The following MEGF10 variants were observed in gnomAD, a reference collection of about 807,000 sequenced individuals.
The protein encoded by MEGF10 is multiple EGF like domains 10, also known as multiple epidermal growth factor-like domains protein 10.
Under a neutral mutation model 147.5 loss-of-function variants are expected in MEGF10, and 86 were observed. The ratio of observed to expected loss-of-function variants is 0.58; its 90% CI spans 0.49 to 0.70. The LOEUF is 0.70. Ranked by LOEUF, MEGF10 falls within the 30% of genes least tolerant of loss-of-function variation. MEGF10 has a pLI of 0.00. For missense variants in MEGF10, 1,329 were observed against 1,487.3 expected (o/e 0.89, Z 1.75); for synonymous variants, 478 against 525.5 (o/e 0.91, Z 1.24).
At chr5:127,354,662 C>A (rs1234117406) in intron 4 of MEGF10, among the ~76,000 whole-genome samples, 3 of 152,200 alleles carry the variant, frequency 2.0e-5, no homozygotes, top group Non-Finnish European at 1.5e-5. Flanking sequence ...GCAACCGAGG[C>A]TCCTGAATCA....
chr5:127,269,129 AG>A, the MEGF10 span, among the ~76,000 whole-genome samples: 1 of 152,224 alleles, frequency 6.6e-6, no homozygotes, highest in Non-Finnish European at 1.5e-5. Flanking sequence ...AAAACCACAA[AG>A]ATGGGGAAAA....
At chr5:127,239,236 C>G in the MEGF10 span, among the ~76,000 whole-genome samples, 2 of 151,594 alleles carry the variant, frequency 1.3e-5, no homozygotes, top group Non-Finnish European at 2.9e-5. Flanking sequence ...GGGGAAAAAA[C>G]AGCTATACAG....
At chr5:127,445,214 G>T in intron 19 of MEGF10, 1 of 500,280 alleles carries the variant, frequency 2.0e-6, no homozygotes, top group Non-Finnish European at 3.6e-6. Flanking sequence ...CTCCGGGCAC[G>T]CATCACTGTG....
At chr5:127,233,658 C>T in the MEGF10 span, among the ~76,000 whole-genome samples, 5 of 151,914 alleles carry the variant, frequency 3.3e-5, no homozygotes, top group Non-Finnish European at 4.4e-5. Context: ...CTTTTTTTCC[C>T]ATTAGATTAA....
At chr5:127,254,526 T>C in the MEGF10 span, among the ~76,000 whole-genome samples, 1 of 151,996 alleles carries the variant, frequency 6.6e-6, no homozygotes, top group Non-Finnish European at 1.5e-5. Context: ...AAAAGTTGCA[T>C]TGTGGCTGGG....
chr5:127,314,983 T>C (rs1323135050), intron 1 of MEGF10, among the ~76,000 whole-genome samples: 4 of 152,042 alleles, frequency 2.6e-5, no homozygotes, highest in Admixed American at 2.0e-4. Context: ...TGCAGTAAAA[T>C]GAAGATACTG....
At chr5:127,384,441 T>C (rs1045580736) in intron 5 of MEGF10, among the ~76,000 whole-genome samples, 6 of 152,212 alleles carry the variant, frequency 3.9e-5, no homozygotes, top group African/African-American at 7.2e-5. Context: ...CCTCCCAAAT[T>C]ATGTAACTTT....
At chr5:127,275,547 G>C in the MEGF10 span, among the ~76,000 whole-genome samples, 1 of 152,148 alleles carries the variant, frequency 6.6e-6, no homozygotes, top group Non-Finnish European at 1.5e-5. Context: ...AGAGAAAGAA[G>C]AGAAATAATT....
chr5:127,390,094 C>T (rs1162912965), intron 5 of MEGF10, among the ~76,000 whole-genome samples: 2 of 152,138 alleles, frequency 1.3e-5, no homozygotes, highest in Non-Finnish European at 2.9e-5. Flanking sequence ...AAAGAATAAT[C>T]ATGCATAATC....
intron 9 of MEGF10, among the ~76,000 whole-genome samples, chr5:127,415,896 C>CAAAAAAA (rs1156648076): frequency 7.2e-5 from 4 of 55,594 alleles, no homozygotes; most frequent in African/African-American, 1.7e-4. Context: ...GACTCCATCT[C>CAAAAAAA]AAAAAAAAAA....
chr5:127,442,467 A>T (rs1765789420), intron 18 of MEGF10, among the ~76,000 whole-genome samples: 1 of 152,226 alleles, frequency 6.6e-6, no homozygotes, highest in South Asian at 2.1e-4. Flanking sequence ...ATCACTCCAT[A>T]GCAAATGAAG....
At chr5:127,329,371 C>G (rs1364777414) in intron 1 of MEGF10, among the ~76,000 whole-genome samples, 1 of 151,976 alleles carries the variant, frequency 6.6e-6, no homozygotes, top group Admixed American at 6.6e-5. Flanking sequence ...TATTCCAAGT[C>G]AAACATTTTC....
intron 7 of MEGF10, among the ~76,000 whole-genome samples, chr5:127,399,145 T>A (rs892526375): frequency 6.6e-6 from 1 of 152,210 alleles, no homozygotes; most frequent in African/African-American, 2.4e-5. Context: ...ATCATTTTCA[T>A]AATTTTGTTC....
intron 8 of MEGF10, among the ~76,000 whole-genome samples, chr5:127,408,174 G>C (rs1023079970): frequency 9.2e-5 from 14 of 152,112 alleles, no homozygotes; most frequent in African/African-American, 3.4e-4. Context: ...CCTGTAATTT[G>C]GTAACAGATA....
At chr5:127,274,206 G>T in the MEGF10 span, among the ~76,000 whole-genome samples, 1 of 151,646 alleles carries the variant, frequency 6.6e-6, no homozygotes, top group African/African-American at 2.4e-5. Flanking sequence ...AAAAAGGTAG[G>T]GGCAGAAGAT....
chr5:127,370,702 A>G (rs939576063), intron 5 of MEGF10, among the ~76,000 whole-genome samples: 1 of 152,238 alleles, frequency 6.6e-6, no homozygotes, highest in Non-Finnish European at 1.5e-5. Flanking sequence ...ATGGAATGTC[A>G]TGTAATACAG....
At chr5:127,353,002 C>A (rs1762141021) in intron 4 of MEGF10, among the ~76,000 whole-genome samples, 1 of 152,226 alleles carries the variant, frequency 6.6e-6, no homozygotes, top group Admixed American at 6.5e-5. Flanking sequence ...CCCATAGTTC[C>A]ATTAGGCCTC....
At chr5:127,354,383 A>G (rs536622951) in intron 4 of MEGF10, among the ~76,000 whole-genome samples, 2 of 152,290 alleles carry the variant, frequency 1.3e-5, no homozygotes, top group East Asian at 3.9e-4. Context: ...CTTCTTTTTA[A>G]AATTGGAATA....
In MEGF10 at chr5:127,398,780, G is replaced by T. The variant is rs766100044; in HGVS notation, c.764G>T (p.Cys255Phe). 2.5e-6 allele frequency: 4 copies of T among 1,613,776 alleles called. No homozygotes were observed. The highest frequency in any genetic ancestry group is 3.4e-6 in the Non-Finnish European group (4 of 1,179,848). ...CATCACGTCACTGGAGAATGCTCTT[G>T]CCCTTCTGGCTGGATGGTAAGCTTC... ...VCHHVTGECSCPSGWMGTVCG... is the reference protein window; with the variant it reads ...VCHHVTGECSFPSGWMGTVCG... The change falls in exon 7 of 25, where the codon TGC (cysteine) becomes TTC (phenylalanine). Residue 255 changes from cysteine to phenylalanine, a missense_variant. Transcript: ENST00000503335.
Sources: gnomAD v4.1 joint callset for allele counts (sites outside exome capture counted in the v4.1 genomes callset) on GRCh38, gnomAD v4.1.1 for gene constraint, MANE v1.5 for transcripts, NCBI Gene and HGNC (gene_info 2026-07-23, HGNC 2026-07-21) for gene names.